TFPI: variants seen among roughly 807,000 people sequenced by gnomAD.
TFPI encodes the protein tissue factor pathway inhibitor, also known as anti-convertin.
Under a neutral mutation model 34.6 loss-of-function variants are expected in TFPI, and 15 were observed. That is an observed-to-expected ratio of 0.43 (90% confidence interval 0.29 to 0.67). The LOEUF (loss-of-function observed/expected upper bound fraction) is 0.67, where lower values mean the gene tolerates loss of function less well. Among genes scored for constraint, TFPI ranks in the 30% least tolerant of loss-of-function variants. TFPI has a pLI of 0.15. For synonymous variants in TFPI, 105 were observed against 120.1 expected (o/e 0.87, Z 0.82); for missense variants, 301 against 364.0 (o/e 0.83, Z 1.41).
intron 1 of TFPI, among the ~76,000 whole-genome samples, chr2:187,522,859 C>T (rs1269520632): frequency 4.0e-5 from 6 of 150,974 alleles, no homozygotes; most frequent in Non-Finnish European, 8.8e-5. Context: ...CCGCTGCACT[C>T]CAGCCTGGGT....
chr2:187,538,034 G>A (rs536932300), intron 1 of TFPI, among the ~76,000 whole-genome samples: 1 of 152,290 alleles, frequency 6.6e-6, no homozygotes, highest in East Asian at 1.9e-4. Flanking sequence ...TCCACAGTGA[G>A]ATACCATCTC....
In TFPI at chr2:187,465,494, A is replaced by AAAAAAAAAAAAAAAAAAAAAAAAAAAAAG. The variant is rs1691673168; in HGVS notation, c.*1441_*1442insCTTTTTTTTTTTTTTTTTTTTTTTTTTTT. The AAAAAAAAAAAAAAAAAAAAAAAAAAAAAG allele has an allele frequency of 1.5e-5, 1 of 67,220 alleles. No individual in the cohort carries two copies. Among genetic ancestry groups the AAAAAAAAAAAAAAAAAAAAAAAAAAAAAG allele is most frequent in the Non-Finnish European group, 3.3e-5 (1 of 30,740 alleles). The allele number at this position is 67,220 out of a possible 1,614,324, so 4.2% of individuals were successfully genotyped here. On this transcript the variant is annotated 3_prime_UTR_variant, in exon 8 of 8. Transcript: ENST00000233156. ...AACATAACAAAACAAAACAAAATGAAAAAAAAAAAAAAACAAGAAAAAAGA... is the reference window on the plus strand; with the variant it reads ...AACATAACAAAACAAAACAAAATGAAAAAAAAAAAAAAAAAAAAAAAAAAAAAAGAAAAAAAAAAAAACAAGAAAAAAGA...
intron 2 of TFPI, among the ~76,000 whole-genome samples, chr2:187,500,932 A>T (rs1685808333): frequency 6.6e-6 from 1 of 152,220 alleles, no homozygotes; most frequent in South Asian, 2.1e-4. Flanking sequence ...GTCACTACAG[A>T]TATGACAGTA....
At chr2:187,474,714 T>G (rs905526794) in intron 6 of TFPI, among the ~76,000 whole-genome samples, 3 of 152,198 alleles carry the variant, frequency 2.0e-5, no homozygotes, top group African/African-American at 4.8e-5. Flanking sequence ...ATAATTCTAG[T>G]GTTTCTACAT....
intron 2 of TFPI, among the ~76,000 whole-genome samples, chr2:187,499,856 A>G (rs779710694): frequency 9.9e-5 from 15 of 152,166 alleles, no homozygotes; most frequent in Middle Eastern, 3.2e-3. Flanking sequence ...CTTTAGAGAC[A>G]AGTTATTGAG....
Position 187,503,785 on chromosome 2 carries a change from C to A in TFPI, c.-2-15G>T. ...GTAAATCATCTCTGAAATACAGAACCCATACATATCTAATAAATAAAGTGT... is the reference window on the plus strand; with the variant it reads ...GTAAATCATCTCTGAAATACAGAACACATACATATCTAATAAATAAAGTGT... On this transcript the variant is annotated splice_polypyrimidine_tract_variant and intron_variant, in intron 1 of 7. Coordinates refer to ENST00000233156, the MANE Select transcript of TFPI (RefSeq NM_006287.6). 1 of 1,609,268 alleles carries A rather than the reference C, an allele frequency of 6.2e-7. No homozygotes were observed. Among genetic ancestry groups the A allele is most frequent in the Non-Finnish European group, 8.5e-7 (1 of 1,177,642 alleles).
At chr2:187,553,369 C>T (rs1311404638) in intron 1 of TFPI, among the ~76,000 whole-genome samples, 1 of 151,916 alleles carries the variant, frequency 6.6e-6, no homozygotes, top group East Asian at 1.9e-4. Flanking sequence ...CTTATCTTTT[C>T]TTTTTTCCCA....
chr2:187,509,146 C>T (rs945043667), intron 1 of TFPI, among the ~76,000 whole-genome samples: 1 of 152,076 alleles, frequency 6.6e-6, no homozygotes, highest in African/African-American at 2.4e-5. Context: ...GGGATGAAGC[C>T]GACTTGATCG....
intron 6 of TFPI, among the ~76,000 whole-genome samples, chr2:187,479,587 ATAT>A (rs1692683135): frequency 7.6e-6 from 1 of 131,182 alleles, no homozygotes; most frequent in Admixed American, 7.7e-5. Context: ...ATATATATAT[ATAT>A]GATTTAAAAA....
intron 1 of TFPI, among the ~76,000 whole-genome samples, chr2:187,510,803 A>C (rs1414928623): frequency 6.6e-6 from 1 of 151,998 alleles, no homozygotes; most frequent in African/African-American, 2.4e-5. Flanking sequence ...ACCTCCTTAG[A>C]GTTGTAGGCC....
Position 187,490,173 on chromosome 2 carries a change from A to C in TFPI, c.320-1798T>G, listed in dbSNP as rs974969505. On this transcript the variant is annotated intron_variant, in intron 3 of 7. Coordinates refer to ENST00000233156, the MANE Select transcript of TFPI (RefSeq NM_006287.6). ...TTTATTTTTGCTTCTAAATCCATTC[A>C]AAAGTGTGCCAGATGTAAATAATGA... Among the ~76,000 whole-genome samples, 13 of 151,798 alleles carry C rather than the reference A, an allele frequency of 8.6e-5. No individual in the cohort carries two copies. The East Asian group carries it at 2.3e-3, about 27-fold the overall frequency.
intron 2 of TFPI, 95 bp downstream of exon 2, chr2:187,503,553 A>G (rs528541936): frequency 3.4e-6 from 5 of 1,454,376 alleles, no homozygotes; most frequent in East Asian, 2.3e-5. Context: ...AATAACAACT[A>G]ATTTCCCTCC....
intron 1 of TFPI, among the ~76,000 whole-genome samples, chr2:187,543,077 T>A (rs544510998): frequency 6.6e-6 from 1 of 152,132 alleles, no homozygotes; most frequent in East Asian, 1.9e-4. Flanking sequence ...ATATAAATGG[T>A]TTAAATGGTT....
chr2:187,535,053 A>T (rs1688174136), intron 1 of TFPI, among the ~76,000 whole-genome samples: 1 of 152,194 alleles, frequency 6.6e-6, no homozygotes. Context: ...CTAAATACAT[A>T]TGCACCAAAT....
At chr2:187,496,759 TA>T in intron 3 of TFPI, 121 bp downstream of exon 3, 1 of 902,914 alleles carries the variant, frequency 1.1e-6, no homozygotes, top group Non-Finnish European at 1.6e-6. Context: ...AATGTGGAAA[TA>T]AAAGATTCCT....
chr2:187,548,908 T>C (rs756462344), intron 1 of TFPI, among the ~76,000 whole-genome samples: 8 of 152,082 alleles, frequency 5.3e-5, no homozygotes, highest in Non-Finnish European at 1.2e-4. Flanking sequence ...GAAAAAATCA[T>C]ACTAAGGAAA....
chr2:187,504,837 G>T (rs762426879), intron 1 of TFPI, among the ~76,000 whole-genome samples: 2 of 152,074 alleles, frequency 1.3e-5, no homozygotes, highest in Non-Finnish European at 2.9e-5. Context: ...GTCTGTAGCA[G>T]ATCACAGCTG....
intron 3 of TFPI, among the ~76,000 whole-genome samples, chr2:187,493,637 C>T (rs1408249424): frequency 6.6e-6 from 1 of 152,154 alleles, no homozygotes; most frequent in Non-Finnish European, 1.5e-5. Context: ...CCTTTAACAG[C>T]ACCTAAACCC....
At chr2:187,486,500 A>T (rs1046080399) in intron 4 of TFPI, among the ~76,000 whole-genome samples, 1 of 151,486 alleles carries the variant, frequency 6.6e-6, no homozygotes, top group African/African-American at 2.4e-5. Flanking sequence ...AAAAATTAAA[A>T]ATAAACAAAC....
Sources: gnomAD v4.1 joint callset for allele counts (sites outside exome capture counted in the v4.1 genomes callset) on GRCh38, gnomAD v4.1.1 for gene constraint, MANE v1.5 for transcripts, NCBI Gene and HGNC (gene_info 2026-07-23, HGNC 2026-07-21) for gene names.